Variants in GSE1 observed in about 807,000 individuals in gnomAD.
The protein encoded by GSE1 is genetic suppressor element 1.
In GSE1, 32 loss-of-function variants were observed where a neutral mutation model predicts 112.6. The ratio of observed to expected loss-of-function variants is 0.28; its 90% confidence interval spans 0.21 to 0.38. The LOEUF (loss-of-function observed/expected upper bound fraction) is 0.38. Among genes scored for constraint, GSE1 ranks in the 10% least tolerant of loss-of-function variants. The pLI is 1.00. For missense variants in GSE1, 2,348 were observed against 1,699.2 expected, an observed-to-expected ratio of 1.38 and a Z score of -6.71; for synonymous variants, 1,115 against 735.6, an observed-to-expected ratio of 1.52 and a Z score of -8.35.
chr16:85,394,440 C>G (rs1196088942), intron 2 of GSE1, among the ~76,000 whole-genome samples: 1 of 152,106 alleles, frequency 6.6e-6, no homozygotes, highest in African/African-American at 2.4e-5. Context: ...AGGAAGAGGA[C>G]GGTTGGGCTT....
At chr16:85,222,513 C>T (rs536442876) in intron 1 of GSE1, among the ~76,000 whole-genome samples, 1 of 152,338 alleles carries the variant, frequency 6.6e-6, no homozygotes, top group East Asian at 1.9e-4. Flanking sequence ...CCAGCAGCTT[C>T]AGATCTTGGA....
rs562130141 is a variant in GSE1 at position 85,194,467 on chromosome 16, A to G, written c.2283+22660A>G. On this transcript the variant is annotated intron_variant, in intron 1 of 2. Transcript: ENST00000637419. Reference sequence around the variant, plus strand: ...AAAAAGAGGTTGATTGCAAACAATCAGGATTCAGACTGGTTACCAGGGAGA... The same window carrying G: ...AAAAAGAGGTTGATTGCAAACAATCGGGATTCAGACTGGTTACCAGGGAGA... 1.6e-4 allele frequency among the ~76,000 whole-genome samples: 25 copies of G among 152,242 alleles called. No homozygotes were observed. In the South Asian group the frequency reaches 4.8e-3, roughly 29 times the overall value.
chr16:85,364,642 C>T (rs982505672), intron 2 of GSE1, among the ~76,000 whole-genome samples: 3 of 152,136 alleles, frequency 2.0e-5, no homozygotes, highest in African/African-American at 7.2e-5. Flanking sequence ...GCCCTGATGT[C>T]CCATCACCAG....
chr16:85,539,551 G>A (rs975116906), intron 2 of GSE1, among the ~76,000 whole-genome samples: 1 of 152,186 alleles, frequency 6.6e-6, no homozygotes, highest in Admixed American at 6.5e-5. Context: ...ACGGTGGGGG[G>A]TGCTTGTTTT....
chr16:85,229,720 G>A (rs1160845148), intron 1 of GSE1, among the ~76,000 whole-genome samples: 1 of 152,202 alleles, frequency 6.6e-6, no homozygotes, highest in Non-Finnish European at 1.5e-5. Flanking sequence ...CAGTGAGAGT[G>A]GAAAGCGCAG....
intron 5 of GSE1, among the ~76,000 whole-genome samples, chr16:85,655,284 C>T (rs1325098997): frequency 2.6e-5 from 4 of 152,200 alleles, no homozygotes; most frequent in Admixed American, 6.5e-5. Flanking sequence ...CAGGGCTTTG[C>T]CCGTGGGAGA....
At chr16:85,651,033 C>A (rs1467090580) in intron 3 of GSE1, among the ~76,000 whole-genome samples, 4 of 125,296 alleles carry the variant, frequency 3.2e-5, no homozygotes, top group Non-Finnish European at 7.0e-5. Flanking sequence ...TTTGCTCCTC[C>A]CCCTCCCCCT....
chr16:85,305,294 T>C (rs1449240959), intron 1 of GSE1, among the ~76,000 whole-genome samples: 1 of 151,280 alleles, frequency 6.6e-6, no homozygotes, highest in Non-Finnish European at 1.5e-5. Flanking sequence ...ATGATGATGA[T>C]TATTATTATT....
At chr16:85,439,675 G>GACATGCATGTGCACACACAT (rs2049331486) in intron 2 of GSE1, among the ~76,000 whole-genome samples, 1 of 152,172 alleles carries the variant, frequency 6.6e-6, no homozygotes, top group Non-Finnish European at 1.5e-5. Context: ...AACACACACA[G>GACATGCATGTGCACACACAT]ACATGCATGT....
chr16:85,635,619 C>T (rs1160829575), intron 2 of GSE1, among the ~76,000 whole-genome samples: 1 of 152,146 alleles, frequency 6.6e-6, no homozygotes, highest in Non-Finnish European at 1.5e-5. Flanking sequence ...TCAGAGCTGG[C>T]CCAGCTCCTG....
intron 14 of GSE1, among the ~76,000 whole-genome samples, chr16:85,670,380 ATTT>A (rs375789127): frequency 1.3e-5 from 2 of 149,478 alleles, no homozygotes; most frequent in Non-Finnish European, 3.0e-5. Context: ...TCATCCTTTG[ATTT>A]TTTTTTTCTT....
Position 85,306,311 on chromosome 16 carries a change from T to C in GSE1, c.2284-51152T>C, listed in dbSNP as rs866556702. 1.6e-4 allele frequency: 24 copies of C among 154,182 alleles called. No individual in the cohort carries two copies. In the Middle Eastern group the frequency reaches 4.6e-3, roughly 30 times the overall value. 9.6% of individuals were successfully genotyped at this position (154,182 alleles called of 1,614,324 possible). ...GCTGGGTCACGTTGACACTCTGGCA[T>C]GTGGACCTGGCGGGTCAGGTCTGCG... is the stretch of plus-strand genomic sequence containing the variant. On this transcript the variant is annotated intron_variant, in intron 1 of 2. Transcript: ENST00000637419.
chr16:85,214,825 C>G (rs1224364127), intron 1 of GSE1, among the ~76,000 whole-genome samples: 1 of 150,858 alleles, frequency 6.6e-6, no homozygotes, highest in African/African-American at 2.4e-5. Context: ...TGCAGGGGCC[C>G]TCGTGGATGG....
chr16:85,420,801 A>G (rs771407966), intron 2 of GSE1, among the ~76,000 whole-genome samples: 28 of 152,226 alleles, frequency 1.8e-4, no homozygotes, highest in Non-Finnish European at 3.8e-4. Flanking sequence ...GCCTCCCACC[A>G]GGACCTCTAG....
At chr16:85,394,473 G>C (rs1778781176) in intron 2 of GSE1, among the ~76,000 whole-genome samples, 1 of 152,160 alleles carries the variant, frequency 6.6e-6, no homozygotes, top group South Asian at 2.1e-4. Context: ...TAAAGCGAAT[G>C]ATTTGGGTGG....
At chr16:85,431,649 G>A (rs904897444) in intron 2 of GSE1, among the ~76,000 whole-genome samples, 1 of 151,952 alleles carries the variant, frequency 6.6e-6, no homozygotes, top group African/African-American at 2.4e-5. Context: ...CCTGCCTCCC[G>A]CCATTGGCCT....
intron 2 of GSE1, among the ~76,000 whole-genome samples, chr16:85,496,705 C>A (rs866484148): frequency 7.9e-5 from 12 of 152,264 alleles, no homozygotes; most frequent in Middle Eastern, 3.4e-3. Context: ...AGGCCGGGTT[C>A]CTTGGAGGGT....
At chr16:85,655,971 A>T (rs2051891304) in intron 6 of GSE1, 54 bp downstream of exon 6, 3 of 1,430,854 alleles carry the variant, frequency 2.1e-6, no homozygotes, top group Admixed American at 3.7e-5. Context: ...CCTTGATGGC[A>T]GCTGGGCAGA....
intron 14 of GSE1, 75 bp from the exon 15 acceptor site, chr16:85,670,920 G>T: frequency 1.1e-6 from 1 of 900,372 alleles, no homozygotes; most frequent in Non-Finnish European, 1.9e-6. Context: ...TGGGCAGGGT[G>T]TGAAGAGGAG....
Sources: gnomAD v4.1 joint callset for allele counts (sites outside exome capture counted in the v4.1 genomes callset) on GRCh38, gnomAD v4.1.1 for gene constraint, MANE v1.5 for transcripts, NCBI Gene and HGNC (gene_info 2026-07-23, HGNC 2026-07-21) for gene names.